PCDH15: variants seen among roughly 807,000 people sequenced by gnomAD.
PCDH15 encodes the protein protocadherin related 15, also known as protocadherin-15.
PCDH15 carries 129 observed loss-of-function variants against 178.5 expected under a neutral mutation model. The observed-to-expected ratio is 0.72, with a 90% confidence interval of 0.63 to 0.84. The LOEUF (loss-of-function observed/expected upper bound fraction) is 0.84. Among genes scored for constraint, PCDH15 ranks in the 40% least tolerant of loss-of-function variants. The pLI, the probability that PCDH15 is intolerant of heterozygous loss-of-function variation, is 0.00. For synonymous variants in PCDH15, 800 were observed against 732.0 expected, an observed-to-expected ratio of 1.09 and a Z score of -1.50; for missense variants, 2,230 against 2,099.9, an observed-to-expected ratio of 1.06 and a Z score of -1.21.
chr10:55,599,086 C>T (rs1843006160), intron 2 of PCDH15, among the ~76,000 whole-genome samples: 1 of 152,120 alleles, frequency 6.6e-6, no homozygotes, highest in African/African-American at 2.4e-5. Context: ...AGAACTATAT[C>T]AAGCACCAAA....
intron 3 of PCDH15, among the ~76,000 whole-genome samples, chr10:54,853,458 TAC>T (rs1304939805): frequency 1.6e-5 from 2 of 128,168 alleles, no homozygotes; most frequent in Non-Finnish European, 3.5e-5. Flanking sequence ...TATATACACA[TAC>T]ATATATATAT....
intron 1 of PCDH15, among the ~76,000 whole-genome samples, chr10:54,721,898 C>T (rs56774981): frequency 0.12 from 18,516 of 151,694 alleles, 1,258 homozygotes; most frequent in African/African-American, 0.17. Context: ...ATAACAAAAT[C>T]GAGCGAGGCG....
intron 23 of PCDH15, among the ~76,000 whole-genome samples, chr10:53,957,981 T>C (rs1398609286): frequency 6.6e-6 from 1 of 152,242 alleles, no homozygotes; most frequent in Non-Finnish European, 1.5e-5. Flanking sequence ...TTATATTACA[T>C]AATTTAATTT....
intron 2 of PCDH15, among the ~76,000 whole-genome samples, chr10:55,541,665 C>A (rs1038494977): frequency 1.3e-5 from 2 of 151,886 alleles, no homozygotes; most frequent in Admixed American, 1.3e-4. Context: ...AACAACTGAA[C>A]TATCCACAGG....
intron 2 of PCDH15, among the ~76,000 whole-genome samples, chr10:55,548,057 C>G (rs1589130582): frequency 6.6e-6 from 1 of 151,736 alleles, no homozygotes; most frequent in Admixed American, 6.6e-5. Context: ...GCCAGGCTCA[C>G]ATGAAAAAGA....
At chr10:53,939,785 T>TG (rs1227254294) in intron 24 of PCDH15, among the ~76,000 whole-genome samples, 1 of 152,052 alleles carries the variant, frequency 6.6e-6, no homozygotes, top group Admixed American at 6.6e-5. Context: ...ACAGTCACTG[T>TG]GGGGGACAGA....
At chr10:54,511,402 C>T (rs1311680227) in intron 3 of PCDH15, among the ~76,000 whole-genome samples, 1 of 152,102 alleles carries the variant, frequency 6.6e-6, no homozygotes, top group Non-Finnish European at 1.5e-5. Flanking sequence ...TTCCCAGCTG[C>T]CAGCCTAGGT....
intron 3 of PCDH15, among the ~76,000 whole-genome samples, chr10:54,419,053 T>C (rs1954856226): frequency 6.6e-6 from 1 of 151,984 alleles, no homozygotes; most frequent in African/African-American, 2.4e-5. Context: ...TTATTTTATC[T>C]ATTAAATTAG....
chr10:54,683,439 A>T (rs2094936186), intron 1 of PCDH15, among the ~76,000 whole-genome samples: 1 of 152,104 alleles, frequency 6.6e-6, no homozygotes, highest in Non-Finnish European at 1.5e-5. Flanking sequence ...AAATGATATG[A>T]AATTTGTGCT....
At chr10:53,854,870 T>G (rs1326979794) in intron 28 of PCDH15, among the ~76,000 whole-genome samples, 1 of 152,094 alleles carries the variant, frequency 6.6e-6, no homozygotes, top group African/African-American at 2.4e-5. Context: ...ATTTCATGTT[T>G]TAAATCCAAA....
rs1163194205 is a variant in PCDH15, at chr10:55,389,079, A to T, written c.-155-222428T>A. Among the ~76,000 whole-genome samples, 3 of 152,168 alleles carry T rather than the reference A, an allele frequency of 2.0e-5. No homozygotes were observed. In the East Asian group the frequency reaches 5.8e-4, roughly 29 times the overall value. ...GCATATGAACATTCAAACAATAACA[A>T]GAAGAATAATGTGTAGGGTAAATGA... On this transcript the variant is annotated intron_variant, in intron 2 of 5. Transcript: ENST00000613346.
At chr10:53,968,050 G>T (rs1297183218) in intron 21 of PCDH15, among the ~76,000 whole-genome samples, 1 of 152,072 alleles carries the variant, frequency 6.6e-6, no homozygotes, top group Non-Finnish European at 1.5e-5. Flanking sequence ...GAGCAGGGTG[G>T]GGCATTGCCT....
chr10:55,341,789 ATATATATATATATATATTT>A (rs1844580291), intron 2 of PCDH15, among the ~76,000 whole-genome samples: 1 of 20,822 alleles, frequency 4.8e-5, no homozygotes, highest in African/African-American at 1.8e-4. Flanking sequence ...ATATATATAT[ATATATATATATATATATTT>A]TTTTTTTTTT....
intron 26 of PCDH15, among the ~76,000 whole-genome samples, chr10:53,889,417 C>T (rs1333827288): frequency 6.6e-6 from 1 of 151,798 alleles, no homozygotes; most frequent in African/African-American, 2.4e-5. Context: ...CCAAAATAGT[C>T]GCCACATAAA....
chr10:54,599,724 AG>A, intron 2 of PCDH15: 1 of 465,382 alleles, frequency 2.1e-6, no homozygotes, highest in Non-Finnish European at 4.1e-6. Flanking sequence ...GAAAGAAAGA[AG>A]GGGAAAAGGA....
chr10:54,090,275 A>C (rs1332381377), intron 15 of PCDH15, among the ~76,000 whole-genome samples: 2 of 152,232 alleles, frequency 1.3e-5, no homozygotes, highest in Non-Finnish European at 2.9e-5. Context: ...TGTGGAAATA[A>C]TCATTTTCCC....
intron 3 of PCDH15, among the ~76,000 whole-genome samples, chr10:54,878,282 T>C (rs1954190722): frequency 6.6e-6 from 1 of 152,128 alleles, no homozygotes; most frequent in African/African-American, 2.4e-5. Flanking sequence ...CTCTTAAAGA[T>C]CTAGCAATCA....
intron 1 of PCDH15, among the ~76,000 whole-genome samples, chr10:54,777,753 A>G (rs1949859729): frequency 1.3e-5 from 2 of 152,112 alleles, no homozygotes; most frequent in Non-Finnish European, 2.9e-5. Flanking sequence ...TTATTTGAAG[A>G]ATAATTGAAA....
intron 2 of PCDH15, among the ~76,000 whole-genome samples, chr10:55,510,564 G>A (rs1840856854): frequency 6.6e-6 from 1 of 151,870 alleles, no homozygotes; most frequent in African/African-American, 2.4e-5. Flanking sequence ...AAGATTTGAT[G>A]AACTAACTTC....
Sources: gnomAD v4.1 joint callset for allele counts (sites outside exome capture counted in the v4.1 genomes callset) on GRCh38, gnomAD v4.1.1 for gene constraint, MANE v1.5 for transcripts, NCBI Gene and HGNC (gene_info 2026-07-23, HGNC 2026-07-21) for gene names.